Variants in KCNQ4 observed in about 807,000 individuals in gnomAD.
The protein encoded by KCNQ4 is potassium voltage-gated channel subfamily KQT member 4.
In KCNQ4, 31 loss-of-function variants were observed where a neutral mutation model predicts 72.6. That is an observed-to-expected ratio of 0.43 (90% CI 0.32 to 0.58). The LOEUF (loss-of-function observed/expected upper bound fraction) is 0.58, where lower values mean the gene tolerates loss of function less well. Ranked by LOEUF, KCNQ4 falls within the 20% of genes least tolerant of loss-of-function variation. KCNQ4 has a pLI of 0.08. For missense variants in KCNQ4, 869 were observed against 962.6 expected (o/e 0.90, Z 1.29); for synonymous variants, 405 against 403.7 (o/e 1.00, Z -0.04).
chr1:40,818,338 G>C (rs774355116), intron 3 of KCNQ4, 48 bp downstream of exon 3: 1 of 1,611,450 alleles, frequency 6.2e-7, no homozygotes. Context: ...CCAGGAGCCA[G>C]GGTGACGCCT....
chr1:40,806,467 C>T (rs983241388), intron 1 of KCNQ4, among the ~76,000 whole-genome samples: 11 of 152,184 alleles, frequency 7.2e-5, no homozygotes, highest in East Asian at 1.9e-4. Flanking sequence ...CAGGCTGGCA[C>T]GGCAGAAGGA....
In KCNQ4 at chr1:40,819,887, A is replaced by G. The variant is rs1648232405; in HGVS notation, c.847A>G (p.Thr283Ala). 6.2e-7 allele frequency: 1 copy of G among 1,613,842 alleles called. No homozygotes were observed. The highest frequency in any genetic ancestry group is 2.2e-5 in the East Asian group (1 of 44,878). Residue 283 changes from threonine to alanine, a missense_variant, in exon 6 of 14, where the codon ACC becomes GCC. Around this residue, in one of 5 missense-constraint regions of KCNQ4, gnomAD observed 179 missense variants for 243.0 expected, o/e 0.74. Transcript: ENST00000347132. ...SLWWGTITLT[T>A]IGYGDKTPHT... ...TTTGTGTCTCCAGATTACATTGACA[A>G]CCATCGGCTATGGTGACAAGACACC...
At chr1:40,810,402 G>A (rs1022700927) in intron 1 of KCNQ4, among the ~76,000 whole-genome samples, 2 of 152,200 alleles carry the variant, frequency 1.3e-5, no homozygotes, top group African/African-American at 4.8e-5. Flanking sequence ...CGTCCATCCC[G>A]TCACCACTGT....
chr1:40,799,615 C>A (rs1177099216), intron 1 of KCNQ4, among the ~76,000 whole-genome samples: 2 of 152,224 alleles, frequency 1.3e-5, no homozygotes, highest in Admixed American at 1.3e-4. Context: ...GAGGCCCTGG[C>A]AGCACGCCCA....
At chr1:40,797,439 C>T (rs1382621654) in intron 1 of KCNQ4, among the ~76,000 whole-genome samples, 1 of 152,254 alleles carries the variant, frequency 6.6e-6, no homozygotes, top group Non-Finnish European at 1.5e-5. Flanking sequence ...GTCAGAAGAG[C>T]GGGATCCTAG....
chr1:40,826,799 C>T (rs1413195082), intron 9 of KCNQ4: 6 of 379,874 alleles, frequency 1.6e-5, no homozygotes, highest in Non-Finnish European at 3.3e-5. Flanking sequence ...ATGTGCCTGC[C>T]GCCTGCCGTC....
At chr1:40,793,315 G>A (rs1647325875) in intron 1 of KCNQ4, among the ~76,000 whole-genome samples, 1 of 152,018 alleles carries the variant, frequency 6.6e-6, no homozygotes, top group Non-Finnish European at 1.5e-5. Flanking sequence ...AACCCCCCTG[G>A]CTTTCCTCAA....
At position 40,839,021 on chromosome 1, in the gene KCNQ4, G is replaced by A. The variant is rs987525026; in HGVS notation, c.*498G>A. 1.8e-5 allele frequency: 4 copies of A among 216,772 alleles called. No individual in the cohort carries two copies. The highest frequency in any genetic ancestry group is 9.1e-5 in the African/African-American group (4 of 43,866). The allele number at this position is 216,772 out of a possible 1,614,324, so 13.4% of individuals were successfully genotyped here. ...AAGCACAGGACCCTGCCACAAGGCA[G>A]GTGGACACCATATATGCAAACCATG... is the stretch of plus-strand genomic sequence containing the variant. On this transcript the variant is annotated 3_prime_UTR_variant, in exon 14 of 14. Transcript: ENST00000347132.
At chr1:40,818,138 C>T in intron 2 of KCNQ4, 26 bp from the exon 3 acceptor site, 1 of 1,613,876 alleles carries the variant, frequency 6.2e-7, no homozygotes, top group South Asian at 1.1e-5. Flanking sequence ...GACTGAGGAC[C>T]AGAACTCAGG....
Position 40,838,744 on chromosome 1 carries a change from A to G in KCNQ4, c.*221A>G, listed in dbSNP as rs1157389405. On this transcript the variant is annotated 3_prime_UTR_variant, in exon 14 of 14. Transcript: ENST00000347132. Reference sequence around the variant, plus strand: ...TGAGATGCCAGGTCGCACAGAGGGCAGCAGCAGCGGCCGTCCCGCGGCCTC... The same window carrying G: ...TGAGATGCCAGGTCGCACAGAGGGCGGCAGCAGCGGCCGTCCCGCGGCCTC... 1.2e-5 allele frequency: 7 copies of G among 608,584 alleles called. No individual in the cohort carries two copies. The highest frequency in any genetic ancestry group is 1.1e-4 in the African/African-American group (6 of 54,266). The allele number at this position is 608,584 out of a possible 1,614,324, so 37.7% of individuals were successfully genotyped here. A position where few individuals can be genotyped will look rare whatever the true frequency, so the allele number is the denominator to read the frequency against.
intron 1 of KCNQ4, among the ~76,000 whole-genome samples, chr1:40,809,073 G>C (rs548800284): frequency 6.6e-6 from 1 of 152,114 alleles, no homozygotes; most frequent in African/African-American, 2.4e-5. Flanking sequence ...CATTTTTCAC[G>C]CCTTATCTCA....
At position 40,788,494 on chromosome 1, in the gene KCNQ4, G is replaced by A. The variant is rs1557982581; in HGVS notation, c.314+4087G>A. The stretch of plus-strand genomic sequence containing the variant: ...ACCCTGCTGAGCTCTCTCTAAACCG[G>A]TCTCATTGTGTCCTTCTGCAGCCTT... On this transcript the variant is annotated intron_variant, in intron 1 of 13. Transcript: ENST00000347132. This position sits in a 1 kb window ranked among gnomAD's most constrained non-coding sequence, Gnocchi z 4.5. Among the ~76,000 whole-genome samples the A allele has an allele frequency of 1.3e-5, 2 of 152,184 alleles. No homozygotes were observed. Among genetic ancestry groups the A allele is most frequent in the Admixed American group, 6.5e-5 (1 of 15,270 alleles).
At chr1:40,831,528 A>G (rs1424889185) in intron 10 of KCNQ4, among the ~76,000 whole-genome samples, 4 of 152,208 alleles carry the variant, frequency 2.6e-5, no homozygotes. Context: ...GTGGCATTTC[A>G]TAGGGGTTAG....
chr1:40,791,315 A>G (rs1374211446), intron 1 of KCNQ4, among the ~76,000 whole-genome samples: 1 of 152,150 alleles, frequency 6.6e-6, no homozygotes, highest in Non-Finnish European at 1.5e-5. Flanking sequence ...TGAAATGCAT[A>G]GGGTACCAGG....
In KCNQ4 at chr1:40,837,696, G is replaced by A; in HGVS notation, c.1777G>A (p.Asp593Asn). The A allele has an allele frequency of 6.2e-7, 1 of 1,613,492 alleles. No homozygotes were observed. The highest frequency in any genetic ancestry group is 8.5e-7 in the Non-Finnish European group (1 of 1,179,848). Residue 593 changes from aspartate (D) to asparagine (N), a missense_variant, in exon 13 of 14, where the codon GAC (aspartate) becomes AAC (asparagine). Around this residue, in one of 5 missense-constraint regions of KCNQ4, gnomAD observed 480 missense variants for 501.9 expected, o/e 0.96. Transcript: ENST00000347132. ...CCAAATTGTGGGTCGGGGGCCCGGG[G>A]ACAGGAAGGCCCGGGAGAAGGGCGA... ...VDQIVGRGPG[D>N]RKAREKGDKG...
intron 8 of KCNQ4, among the ~76,000 whole-genome samples, chr1:40,822,774 T>C (rs1400148836): frequency 6.6e-6 from 1 of 152,116 alleles, no homozygotes; most frequent in African/African-American, 2.4e-5. Flanking sequence ...TTGCAGCTGG[T>C]TGGAGAAAGT....
At chr1:40,837,578 C>G in intron 12 of KCNQ4, 87 bp from the exon 13 acceptor site, 2 of 1,520,910 alleles carry the variant, frequency 1.3e-6, no homozygotes, top group Non-Finnish European at 1.8e-6. Context: ...CCTCGTGGTG[C>G]CTTCTCCTTC....
At chr1:40,820,392 T>A in intron 7 of KCNQ4, 132 bp downstream of exon 7, 1 of 794,908 alleles carries the variant, frequency 1.3e-6, no homozygotes, top group Non-Finnish European at 2.2e-6. Context: ...CTATGTGACT[T>A]TCCTGGAGCC....
At chr1:40,804,448 T>G (rs941746971) in intron 1 of KCNQ4, among the ~76,000 whole-genome samples, 2 of 152,152 alleles carry the variant, frequency 1.3e-5, no homozygotes, top group Non-Finnish European at 2.9e-5. Flanking sequence ...GGTTGGTTAA[T>G]CTCTAAGGGA....
Sources: gnomAD v4.1 joint callset for allele counts (sites outside exome capture counted in the v4.1 genomes callset) on GRCh38, gnomAD v4.1.1 for gene constraint, gnomAD v4.1.1 regional missense constraint, Gnocchi (gnomAD v3.1) non-coding constraint, MANE v1.5 for transcripts, NCBI Gene and HGNC (gene_info 2026-07-23, HGNC 2026-07-21) for gene names.